TCP10L: variants seen among roughly 807,000 people sequenced by gnomAD.
TCP10L encodes t-complex 10 like.
Under a neutral mutation model 19.2 loss-of-function variants are expected in TCP10L, and 11 were observed. That is an observed-to-expected ratio of 0.57 (90% CI 0.36 to 0.95). TCP10L has a LOEUF of 0.95. TCP10L is among the 40% of genes least tolerant of loss of function. The pLI is 0.01. For missense variants in TCP10L, 247 were observed against 263.9 expected (o/e 0.94, Z 0.44); for synonymous variants, 96 against 97.2 (o/e 0.99, Z 0.07).
Position 32,582,493 on chromosome 21 carries a change from C to T in TCP10L, c.145-78G>A. The T allele has an allele frequency of 1.5e-6, 2 of 1,366,062 alleles. No individual in the cohort carries two copies. Among genetic ancestry groups the T allele is most frequent in the Non-Finnish European group, 2.0e-6 (2 of 989,456 alleles). The allele number at this position is 1,366,062 out of a possible 1,614,324, so 84.6% of individuals were successfully genotyped here. ...CATTTATCTGCAAAATACTCAAGCCCTCTCTGATGTAAGACCAACACTATT... is the reference window on the plus strand; with the variant it reads ...CATTTATCTGCAAAATACTCAAGCCTTCTCTGATGTAAGACCAACACTATT... On this transcript the variant is annotated intron_variant, in intron 2 of 4. Coordinates refer to ENST00000300258, the MANE Select transcript of TCP10L (RefSeq NM_144659.7). This position sits in a 1 kb window ranked among gnomAD's most constrained non-coding sequence, Gnocchi z 4.2.
At position 32,576,199 on chromosome 21, in the gene TCP10L, C is replaced by T; in HGVS notation, c.*575G>A. 1 of 1,408,972 alleles carries T rather than the reference C, an allele frequency of 7.1e-7. No individual in the cohort carries two copies. The highest frequency in any genetic ancestry group is 9.8e-7 in the Non-Finnish European group (1 of 1,019,762). The allele number at this position is 1,408,972 out of a possible 1,614,324, so 87.3% of individuals were successfully genotyped here. On this transcript the variant is annotated 3_prime_UTR_variant, in exon 5 of 5. Coordinates refer to ENST00000300258, the MANE Select transcript of TCP10L (RefSeq NM_144659.7). Reference sequence around the variant, plus strand: ...CGGGGAGCATAGAAACAGGAGTCCCCAACTCTGCTCACCAGCTCCTCCGGC... The same window carrying T: ...CGGGGAGCATAGAAACAGGAGTCCCTAACTCTGCTCACCAGCTCCTCCGGC...
chr21:32,578,731 C>T lies in TCP10L; in HGVS notation c.461G>A (p.Gly154Glu), dbSNP rs577627887. Residue 154 changes from glycine to glutamate, a missense_variant, in exon 4 of 5, where the codon GGA becomes GAA. By Grantham distance (98) the Gly-to-Glu change is moderately conservative. Coordinates refer to ENST00000300258, the MANE Select transcript of TCP10L (RefSeq NM_144659.7). This position sits in a 1 kb window ranked among gnomAD's most constrained non-coding sequence, Gnocchi z 4.2. The part of the protein sequence containing the change: ...GHKNQSATLL[G>E]QRSSSNNSAP... Reference sequence around the variant, plus strand: ...TGAATTGTTAGATGACGATCTTTGTCCCAGGAGAGTGGCACTCTGATTCTT... The same window carrying T: ...TGAATTGTTAGATGACGATCTTTGTTCCAGGAGAGTGGCACTCTGATTCTT... 4.3e-6 allele frequency: 7 copies of T among 1,614,160 alleles called. No individual in the cohort carries two copies. In the South Asian group the frequency reaches 7.7e-5, roughly 18 times the overall value.
At position 32,585,082 on chromosome 21, in the gene TCP10L, C is replaced by T. The variant is rs765422285; in HGVS notation, c.-2+339G>A. On this transcript the variant is annotated intron_variant, in intron 1 of 4. Transcript: ENST00000300258. ...AAGCCAGTGGCCCCCAACGAAACCC[C>T]GACTGTTTAATTCATAAACTTCTAA... Among the ~76,000 whole-genome samples, 14 of 152,150 alleles carry T rather than the reference C, an allele frequency of 9.2e-5. 1 individual carries two copies. The highest frequency in any genetic ancestry group is 4.1e-4 in the South Asian group (2 of 4,820).
intron 3 of TCP10L, among the ~76,000 whole-genome samples, chr21:32,581,104 G>C (rs2038489574): frequency 6.6e-6 from 1 of 152,232 alleles, no homozygotes; most frequent in Non-Finnish European, 1.5e-5. Flanking sequence ...AGCGGGCAGA[G>C]ACCAAGCGGC....
chr21:32,576,752 G>T lies in TCP10L; in HGVS notation c.*22C>A. ...GGGGCCAGTGTAGAGTGACACAGGT[G>T]TCCGAGGCCACCTTTCCATCTTCAG... is the stretch of plus-strand genomic sequence containing the variant. On this transcript the variant is annotated 3_prime_UTR_variant, in exon 5 of 5. Transcript: ENST00000300258. The T allele has an allele frequency of 2.5e-6, 4 of 1,610,858 alleles. No homozygotes were observed. Among genetic ancestry groups the T allele is most frequent in the Non-Finnish European group, 3.4e-6 (4 of 1,178,810 alleles).
chr21:32,582,436 C>T lies in TCP10L; in HGVS notation c.145-21G>A. The T allele has an allele frequency of 6.3e-7, 1 of 1,599,458 alleles. No homozygotes were observed. Among genetic ancestry groups the T allele is most frequent in the Non-Finnish European group, 8.5e-7 (1 of 1,174,806 alleles). ...AATGGCTGTTATTGGGAAGAGAACA[C>T]CAGAAAAACCTCTCAGATGTCACAA... On this transcript the variant is annotated intron_variant, in intron 2 of 4. Coordinates refer to ENST00000300258, the MANE Select transcript of TCP10L (RefSeq NM_144659.7). The surrounding 1 kb of genome is among the most constrained non-coding windows in gnomAD (Gnocchi z 4.2).
rs760491203 is a variant in TCP10L, at chr21:32,576,854, G to T, written c.568C>A (p.Leu190Ile). ...TPPQENRDKNLSRRRQDRRAT... is the reference protein window; with the variant it reads ...TPPQENRDKNISRRRQDRRAT... ...CTTCTGTCTTGACGTCTCCTGGAAA[G>T]ATTTTTATCTCTATTTTCCTGTGGT... The change falls in exon 5 of 5, where the codon CTT becomes ATT. Residue 190 changes from leucine (L) to isoleucine (I), a missense_variant. Leu to Ile is a conservative substitution (Grantham distance 5). Transcript: ENST00000300258. 6.2e-7 allele frequency: 1 copy of T among 1,614,164 alleles called. No homozygotes were observed. The highest frequency in any genetic ancestry group is 1.1e-5 in the South Asian group (1 of 91,086).
At chr21:32,581,209 T>C (rs2038490743) in intron 3 of TCP10L, among the ~76,000 whole-genome samples, 1 of 152,184 alleles carries the variant, frequency 6.6e-6, no homozygotes, top group African/African-American at 2.4e-5. Flanking sequence ...CGGAGTTTGC[T>C]TGGGGTGGTC....
Position 32,582,426 on chromosome 21 carries a change from G to T in TCP10L, c.145-11C>A. 9 of 1,605,246 alleles carry T rather than the reference G, an allele frequency of 5.6e-6. No homozygotes were observed. The highest frequency in any genetic ancestry group is 7.6e-6 in the Non-Finnish European group (9 of 1,177,270). On this transcript the variant is annotated splice_polypyrimidine_tract_variant and intron_variant, in intron 2 of 4. Transcript: ENST00000300258. The surrounding 1 kb of genome is among the most constrained non-coding windows in gnomAD (Gnocchi z 4.2). ...CTGCTGCTGTAATGGCTGTTATTGGGAAGAGAACACCAGAAAAACCTCTCA... is the reference window on the plus strand; with the variant it reads ...CTGCTGCTGTAATGGCTGTTATTGGTAAGAGAACACCAGAAAAACCTCTCA...
rs534018094 is a variant in TCP10L, at chr21:32,582,048, C to T, written c.360+152G>A. ...TCCAGTTCTTATTAATCATTACTTACGGGAAATGGAGTTGATGGAAAGATA... is the reference window on the plus strand; with the variant it reads ...TCCAGTTCTTATTAATCATTACTTATGGGAAATGGAGTTGATGGAAAGATA... On this transcript the variant is annotated intron_variant, in intron 3 of 4. Transcript: ENST00000300258. The surrounding 1 kb of genome is among the most constrained non-coding windows in gnomAD (Gnocchi z 4.2). The T allele has an allele frequency of 5.4e-5, 45 of 831,208 alleles. No homozygotes were observed. Among genetic ancestry groups the T allele is most frequent in the East Asian group, 3.9e-4 (15 of 38,872 alleles). 51.5% of individuals were successfully genotyped at this position (831,208 alleles called of 1,614,324 possible). A position where few individuals can be genotyped will look rare whatever the true frequency, so the allele number is the denominator to read the frequency against.
rs539677059 is a variant in TCP10L, at chr21:32,573,826, C to T, written c.*2948G>A. 6.6e-6 allele frequency among the ~76,000 whole-genome samples: 1 copy of T among 152,226 alleles called. No homozygotes were observed. The highest frequency in any genetic ancestry group is 2.4e-5 in the African/African-American group (1 of 41,548). ...CAACCGCCACATTCAACACCTGATA[C>T]AAATAACACACAGAGACATACAAAT... On this transcript the variant is annotated 3_prime_UTR_variant, in exon 5 of 5. Coordinates refer to ENST00000300258, the MANE Select transcript of TCP10L (RefSeq NM_144659.7).
chr21:32,577,027 C>T (rs1279037445), intron 4 of TCP10L, 104 bp from the exon 5 acceptor site: 19 of 1,201,306 alleles, frequency 1.6e-5, no homozygotes, highest in Non-Finnish European at 2.1e-5. Flanking sequence ...GATGATTCTA[C>T]TCCCCCTTCC....
intron 3 of TCP10L, among the ~76,000 whole-genome samples, chr21:32,581,113 G>A (rs982256242): frequency 5.3e-5 from 8 of 152,216 alleles, no homozygotes; most frequent in Non-Finnish European, 1.0e-4. Flanking sequence ...AGACCAAGCG[G>A]CTGGATGTCG....
chr21:32,584,027 G>A (rs2038529305), intron 2 of TCP10L, 134 bp downstream of exon 2: 1 of 1,224,824 alleles, frequency 8.2e-7, no homozygotes, highest in Admixed American at 2.4e-5. Context: ...TGGAGAGGAA[G>A]TACAGAATCA....
intron 1 of TCP10L, among the ~76,000 whole-genome samples, chr21:32,585,076 A>G (rs1180491334): frequency 6.6e-6 from 1 of 152,170 alleles, no homozygotes; most frequent in Non-Finnish European, 1.5e-5. Context: ...GCCCCCAACG[A>G]AACCCCGACT....
chr21:32,580,963 C>T (rs1266665920), intron 3 of TCP10L, among the ~76,000 whole-genome samples: 1 of 152,232 alleles, frequency 6.6e-6, no homozygotes, highest in Non-Finnish European at 1.5e-5. Context: ...GGGTCCCTGG[C>T]TAGGGCTCGA....
At chr21:32,577,940 G>A (rs2038452849) in intron 4 of TCP10L, among the ~76,000 whole-genome samples, 1 of 152,164 alleles carries the variant, frequency 6.6e-6, no homozygotes, top group African/African-American at 2.4e-5. Flanking sequence ...ACAAAGGGAT[G>A]GGCCAAAACA....
At chr21:32,577,657 G>C (rs751087558) in intron 4 of TCP10L, 1 of 152,230 alleles carries the variant, frequency 6.6e-6, no homozygotes, top group Non-Finnish European at 1.5e-5. Flanking sequence ...CACTGGCTGG[G>C]AGAATGTTCT....
intron 3 of TCP10L, among the ~76,000 whole-genome samples, chr21:32,579,163 C>T (rs769237411): frequency 1.1e-4 from 17 of 152,150 alleles, no homozygotes; most frequent in Admixed American, 6.5e-4. Context: ...AGTGTGTTAA[C>T]GGAGGAAGAA....
Sources: gnomAD v4.1 joint callset for allele counts (sites outside exome capture counted in the v4.1 genomes callset) on GRCh38, gnomAD v4.1.1 for gene constraint, Gnocchi (gnomAD v3.1) non-coding constraint, MANE v1.5 for transcripts, NCBI Gene and HGNC (gene_info 2026-07-23, HGNC 2026-07-21) for gene names.